RFFL: variants seen among roughly 807,000 people sequenced by gnomAD.
RFFL encodes E3 ubiquitin-protein ligase rififylin.
Under a neutral mutation model 40.4 loss-of-function variants are expected in RFFL, and 16 were observed. That is an observed-to-expected ratio of 0.40 (90% CI 0.27 to 0.60). RFFL has a LOEUF of 0.60. Among genes scored for constraint, RFFL ranks in the 20% least tolerant of loss-of-function variants. The pLI is 0.47. For missense variants in RFFL, 367 were observed against 451.7 expected (o/e 0.81, Z 1.70); for synonymous variants, 154 against 167.9 (o/e 0.92, Z 0.64).
intron 1 of RFFL, among the ~76,000 whole-genome samples, chr17:35,041,540 CTCGTTAACT>C (rs2091165048): frequency 1.3e-5 from 2 of 151,956 alleles, no homozygotes; most frequent in Admixed American, 6.6e-5. Context: ...ACTTTTCTCA[CTCGTTAACT>C]TCAAGCCATA....
upstream of RFFL, among the ~76,000 whole-genome samples, chr17:35,067,231 C>A (rs1247849635): frequency 6.6e-6 from 1 of 151,582 alleles, no homozygotes; most frequent in Non-Finnish European, 1.5e-5. Flanking sequence ...AATTCTCCTT[C>A]CTCAGCCTCC....
At chr17:35,013,458 G>A (rs1355596478) in intron 6 of RFFL, among the ~76,000 whole-genome samples, 1 of 152,160 alleles carries the variant, frequency 6.6e-6, no homozygotes, top group Non-Finnish European at 1.5e-5. Flanking sequence ...GCCTGAAGTA[G>A]GTACCCATAA....
At chr17:35,056,637 A>G (rs930504080) in intron 1 of RFFL, among the ~76,000 whole-genome samples, 6 of 152,040 alleles carry the variant, frequency 3.9e-5, no homozygotes, top group Non-Finnish European at 8.8e-5. Context: ...TCAGCCTCCC[A>G]AAGTGCTGGG....
intron 1 of RFFL, chr17:35,042,248 G>A (rs2091170878): frequency 6.6e-6 from 1 of 152,114 alleles, no homozygotes; most frequent in Non-Finnish European, 1.5e-5. Context: ...AACTTGGAAG[G>A]CTGCTTACTT....
At chr17:35,049,847 C>T (rs558168990) in intron 1 of RFFL, among the ~76,000 whole-genome samples, 29 of 152,164 alleles carry the variant, frequency 1.9e-4, no homozygotes, top group African/African-American at 6.5e-4. Flanking sequence ...TTTGGGAGGC[C>T]GAGGTGGACT....
chr17:35,064,218 C>G (rs1376470732), upstream of RFFL, among the ~76,000 whole-genome samples: 2 of 152,064 alleles, frequency 1.3e-5, no homozygotes, highest in Non-Finnish European at 2.9e-5. Context: ...TCTTTTTTCC[C>G]ACTAGGCCTC....
At chr17:35,072,089 T>C (rs887718584) in intron 1 of RFFL, among the ~76,000 whole-genome samples, 2 of 152,066 alleles carry the variant, frequency 1.3e-5, no homozygotes, top group Non-Finnish European at 2.9e-5. Flanking sequence ...AAGACCAGCC[T>C]GGGCAACATG....
chr17:35,049,492 A>T (rs2091219632), intron 1 of RFFL, among the ~76,000 whole-genome samples: 1 of 152,204 alleles, frequency 6.6e-6, no homozygotes, highest in Non-Finnish European at 1.5e-5. Context: ...CAGATTTCAC[A>T]GTAGGAAGCA....
intron 1 of RFFL, among the ~76,000 whole-genome samples, chr17:35,088,533 C>T (rs1018910408): frequency 1.3e-5 from 2 of 152,198 alleles, no homozygotes; most frequent in African/African-American, 4.8e-5. Flanking sequence ...TCGGTCTTGA[C>T]CGCTGCCGCA....
At chr17:35,038,056 G>A (rs1181206990) in intron 1 of RFFL, among the ~76,000 whole-genome samples, 1 of 152,102 alleles carries the variant, frequency 6.6e-6, no homozygotes, top group African/African-American at 2.4e-5. Context: ...GGGAGGCTAA[G>A]TCGGACGGAT....
At chr17:35,041,976 C>T (rs149595813) in intron 1 of RFFL, among the ~76,000 whole-genome samples, 42 of 152,252 alleles carry the variant, frequency 2.8e-4, no homozygotes, top group African/African-American at 9.4e-4. Flanking sequence ...GATCACACCA[C>T]TGCACTCCAG....
intron 1 of RFFL, among the ~76,000 whole-genome samples, chr17:35,079,522 G>A (rs578095684): frequency 1.5e-4 from 23 of 152,302 alleles, no homozygotes; most frequent in African/African-American, 5.1e-4. Context: ...GCTGTGGTGA[G>A]GATTTTATCA....
chr17:35,083,795 GAA>G (rs1322207020), intron 1 of RFFL, among the ~76,000 whole-genome samples: 2 of 149,328 alleles, frequency 1.3e-5, no homozygotes, highest in Non-Finnish European at 3.0e-5. Context: ...AAAAAAAAAA[GAA>G]AGAAAGAAAA....
chr17:35,015,709 G>T (rs2090969200), intron 5 of RFFL, among the ~76,000 whole-genome samples: 1 of 152,210 alleles, frequency 6.6e-6, no homozygotes, highest in Non-Finnish European at 1.5e-5. Context: ...ATTCTGTGGT[G>T]AAATAATTTC....
At chr17:35,030,479 T>C (rs1486133487) in intron 1 of RFFL, among the ~76,000 whole-genome samples, 2 of 152,048 alleles carry the variant, frequency 1.3e-5, no homozygotes, top group African/African-American at 4.8e-5. Flanking sequence ...TTTTTTGTAT[T>C]TTTAGTAGAG....
At chr17:35,012,348 A>G (rs2090946354) in intron 6 of RFFL, among the ~76,000 whole-genome samples, 199 bp from the exon 7 acceptor site, 1 of 152,228 alleles carries the variant, frequency 6.6e-6, no homozygotes, top group Non-Finnish European at 1.5e-5. Flanking sequence ...TGTTTAATCC[A>G]CACTTCATCC....
chr17:35,087,899 G>A (rs558237752), intron 1 of RFFL, among the ~76,000 whole-genome samples: 1 of 152,312 alleles, frequency 6.6e-6, no homozygotes, highest in Admixed American at 6.5e-5. Context: ...GAAATCCCCT[G>A]AACAGAAAGG....
At chr17:35,019,517 G>C (rs150396983) in intron 3 of RFFL, among the ~76,000 whole-genome samples, 61 of 152,016 alleles carry the variant, frequency 4.0e-4, no homozygotes, top group African/African-American at 1.4e-3. Flanking sequence ...GTAGCTACAG[G>C]CACCCACCAC....
At chr17:35,022,469 T>C (rs2091015024) in intron 2 of RFFL, among the ~76,000 whole-genome samples, 2 of 152,218 alleles carry the variant, frequency 1.3e-5, no homozygotes, top group African/African-American at 2.4e-5. Context: ...CAAAGCGACA[T>C]TGCAAAGTAG....
Sources: gnomAD v4.1 joint callset for allele counts (sites outside exome capture counted in the v4.1 genomes callset) on GRCh38, gnomAD v4.1.1 for gene constraint, MANE v1.5 for transcripts, NCBI Gene and HGNC (gene_info 2026-07-23, HGNC 2026-07-21) for gene names.